CD109: variants seen among roughly 807,000 people sequenced by gnomAD.
CD109 encodes CD109 molecule, also known as CD109 antigen.
Under a neutral mutation model 165.8 loss-of-function variants are expected in CD109, and 149 were observed. The observed-to-expected ratio is 0.90, with a 90% CI of 0.79 to 1.03. The LOEUF (loss-of-function observed/expected upper bound fraction) is 1.03. Ranked by LOEUF, CD109 falls within the 50% of genes least tolerant of loss-of-function variation. The pLI, the probability that CD109 is intolerant of heterozygous loss-of-function variation, is 0.00. For missense variants in CD109, 1,712 were observed against 1,677.8 expected, an observed-to-expected ratio of 1.02 and a Z score of -0.36; for synonymous variants, 585 against 592.1, an observed-to-expected ratio of 0.99 and a Z score of 0.18.
chr6:73,690,469 T>C, the CD109 span, among the ~76,000 whole-genome samples: 1 of 152,112 alleles, frequency 6.6e-6, no homozygotes, highest in Non-Finnish European at 1.5e-5. Context: ...TGGTGTGATC[T>C]CGGCTCACCG....
intron 2 of CD109, among the ~76,000 whole-genome samples, chr6:73,704,446 A>C (rs562037323): frequency 6.6e-6 from 1 of 152,328 alleles, no homozygotes; most frequent in Non-Finnish European, 1.5e-5. Flanking sequence ...GCCGCAGAGA[A>C]ACATGACTTG....
chr6:73,767,590 T>G (rs1172279055), intron 13 of CD109, among the ~76,000 whole-genome samples: 1 of 152,062 alleles, frequency 6.6e-6, no homozygotes, highest in Non-Finnish European at 1.5e-5. Flanking sequence ...ATAAAAAACC[T>G]TTTTTATTTC....
chr6:73,682,447 A>G, the CD109 span, among the ~76,000 whole-genome samples: 1 of 152,236 alleles, frequency 6.6e-6, no homozygotes, highest in African/African-American at 2.4e-5. Context: ...GTGGGTTCCC[A>G]TGGTCTTGGG....
chr6:73,760,581 C>T (rs1010299649), intron 7 of CD109, among the ~76,000 whole-genome samples: 23 of 151,964 alleles, frequency 1.5e-4, no homozygotes, highest in Admixed American at 1.4e-3. Flanking sequence ...TGAGGTGGCT[C>T]GTGCCTATAA....
At chr6:73,766,515 GTATATGTATA>G (rs1773853547) in intron 11 of CD109, among the ~76,000 whole-genome samples, 1 of 120,340 alleles carries the variant, frequency 8.3e-6, no homozygotes, top group African/African-American at 3.4e-5. Flanking sequence ...ACATATATAT[GTATATGTATA>G]TGTGTGTGTG....
At chr6:73,708,122 G>A (rs866937683) in intron 2 of CD109, among the ~76,000 whole-genome samples, 23 of 151,666 alleles carry the variant, frequency 1.5e-4, no homozygotes, top group South Asian at 2.1e-4. Flanking sequence ...TACATTAGGT[G>A]TATCTCCTAA....
intron 3 of CD109, among the ~76,000 whole-genome samples, chr6:73,724,533 T>C (rs1772065741): frequency 6.6e-6 from 1 of 152,224 alleles, no homozygotes; most frequent in South Asian, 2.1e-4. Context: ...AACAGAGGAC[T>C]AATGACTTAG....
At chr6:73,796,487 A>G (rs1248680927) in intron 23 of CD109, among the ~76,000 whole-genome samples, 1 of 152,056 alleles carries the variant, frequency 6.6e-6, no homozygotes, top group Non-Finnish European at 1.5e-5. Context: ...AGTAACTCCA[A>G]TTTGTACTAC....
intron 2 of CD109, among the ~76,000 whole-genome samples, chr6:73,719,640 TAC>T (rs562015724): frequency 1.3e-5 from 2 of 152,198 alleles, no homozygotes; most frequent in Non-Finnish European, 2.9e-5. Context: ...CATGCTCAGG[TAC>T]CTGATGAGAT....
chr6:73,759,125 C>A, intron 7 of CD109, 97 bp downstream of exon 7: 1 of 744,604 alleles, frequency 1.3e-6, no homozygotes, highest in South Asian at 1.6e-5. Context: ...GCAATTTTTG[C>A]TTATTAAAAT....
At chr6:73,746,837 A>G (rs1773000362) in intron 5 of CD109, among the ~76,000 whole-genome samples, 1 of 152,212 alleles carries the variant, frequency 6.6e-6, no homozygotes, top group Admixed American at 6.5e-5. Flanking sequence ...TCAGGTGTTT[A>G]GTTCCAGCCT....
intron 5 of CD109, among the ~76,000 whole-genome samples, chr6:73,740,001 A>T (rs925732544): frequency 6.6e-6 from 1 of 152,072 alleles, no homozygotes; most frequent in Admixed American, 6.5e-5. Context: ...CCTGAGTAGC[A>T]GGGACTACAG....
Position 73,766,074 on chromosome 6 carries a change from ATAAAT to A in CD109, c.1255_1259del (p.Asn419TyrfsTer9). The stretch of plus-strand genomic sequence containing the variant: ...TCAGAAAATGGAAGCTGTTCAGAAA[ATAAAT>A]TATACTGTCCCCCAAAGTGGAACTT... On this transcript the variant is annotated frameshift_variant, in exon 11 of 33. Coordinates refer to ENST00000287097, the MANE Select transcript of CD109 (RefSeq NM_133493.5). LOFTEE classifies it high-confidence loss of function. 6.2e-7 allele frequency: 1 copy of A among 1,614,120 alleles called. No individual in the cohort carries two copies. The highest frequency in any genetic ancestry group is 8.5e-7 in the Non-Finnish European group (1 of 1,179,992).
upstream of CD109, among the ~76,000 whole-genome samples, chr6:73,691,171 T>G (rs534259235): frequency 6.6e-6 from 1 of 152,172 alleles, no homozygotes; most frequent in Non-Finnish European, 1.5e-5. Context: ...CCATCATTTT[T>G]CTAAAGGCAA....
At chr6:73,695,414 T>G (rs1770781227), upstream of CD109, 1 of 152,236 alleles carries the variant, frequency 6.6e-6, no homozygotes, top group African/African-American at 2.4e-5. Context: ...GTTCAGAGAT[T>G]GCTCCAAGCT....
chr6:73,744,338 GA>G (rs1213113649), intron 5 of CD109, among the ~76,000 whole-genome samples: 4 of 152,284 alleles, frequency 2.6e-5, no homozygotes, highest in African/African-American at 9.6e-5. Context: ...TCTTCTAGAT[GA>G]TTGCTGTTAT....
Position 73,810,017 on chromosome 6 carries a change from A to G in CD109, c.3389A>G (p.Lys1130Arg), listed in dbSNP as rs182348098. Residue 1130 changes from lysine (K) to arginine (R), a missense_variant, in exon 27 of 33, where the codon AAA (lysine) becomes AGA (arginine). Coordinates refer to ENST00000287097, the MANE Select transcript of CD109 (RefSeq NM_133493.5). ...CAATTCTGGGTGTCATCAGAGTCCA[A>G]ACTTTCTGACTCCTGGCAGCCACGC... The part of the protein sequence containing the change: ...GMQFWVSSES[K>R]LSDSWQPRSL... The G allele has an allele frequency of 7.5e-5, 120 of 1,594,642 alleles. No individual in the cohort carries two copies. Among genetic ancestry groups the G allele is most frequent in the Non-Finnish European group, 9.0e-5 (105 of 1,173,176 alleles).
rs1185147860 is a variant in CD109 at position 73,792,699 on chromosome 6, C to T, written c.2775C>T (p.Asn925=). The change falls in exon 23 of 33, where the codon AAC becomes AAT. Residue 925 remains asparagine (N), a synonymous_variant. Transcript: ENST00000287097. ...IRMPYGCGEQ[N]MINFAPNIYI... ...TGCCTTATGGCTGTGGTGAACAGAACATGATAAATTTTGCTCCAAATATTT... is the reference window on the plus strand; with the variant it reads ...TGCCTTATGGCTGTGGTGAACAGAATATGATAAATTTTGCTCCAAATATTT... 1 of 1,613,068 alleles carries T rather than the reference C, an allele frequency of 6.2e-7. No homozygotes were observed. Among genetic ancestry groups the T allele is most frequent in the South Asian group, 1.1e-5 (1 of 91,074 alleles).
rs974710082 is a variant in CD109, at chr6:73,823,771, A to T, written c.*138A>T. On this transcript the variant is annotated 3_prime_UTR_variant, in exon 33 of 33. Coordinates refer to ENST00000287097, the MANE Select transcript of CD109 (RefSeq NM_133493.5). Reference sequence around the variant, plus strand: ...CTATGGGGTTGCAGGGATGGTGTACAACAGGTCCTAGCATGTATAGCTGCA... The same window carrying T: ...CTATGGGGTTGCAGGGATGGTGTACTACAGGTCCTAGCATGTATAGCTGCA... The T allele has an allele frequency of 2.7e-5, 19 of 697,620 alleles. No homozygotes were observed. Among genetic ancestry groups the T allele is most frequent in the Non-Finnish European group, 4.0e-5 (17 of 422,590 alleles). The allele number at this position is 697,620 out of a possible 1,614,324, so 43.2% of individuals were successfully genotyped here.
Sources: gnomAD v4.1 joint callset for allele counts (sites outside exome capture counted in the v4.1 genomes callset) on GRCh38, gnomAD v4.1.1 for gene constraint, MANE v1.5 for transcripts, NCBI Gene and HGNC (gene_info 2026-07-23, HGNC 2026-07-21) for gene names.